Variants in AMD1 observed in about 807,000 individuals in gnomAD.
AMD1 encodes the protein S-adenosylmethionine decarboxylase proenzyme.
Under a neutral mutation model 40.2 loss-of-function variants are expected in AMD1, and 11 were observed. The ratio of observed to expected loss-of-function variants is 0.27; its 90% CI spans 0.17 to 0.45. The LOEUF is 0.45. Among genes scored for constraint, AMD1 ranks in the 20% least tolerant of loss-of-function variants. The pLI, the probability that AMD1 is intolerant of heterozygous loss-of-function variation, is 1.00. For synonymous variants in AMD1, 121 were observed against 130.8 expected, an observed-to-expected ratio of 0.93 and a Z score of 0.51; for missense variants, 257 against 410.2, an observed-to-expected ratio of 0.63 and a Z score of 3.23.
At chr6:110,851,299 A>G in the AMD1 span, among the ~76,000 whole-genome samples, 1 of 152,034 alleles carries the variant, frequency 6.6e-6, no homozygotes, top group East Asian at 1.9e-4. Context: ...AAGGGGTCTC[A>G]TTGTGTTGCC....
At chr6:110,859,497 T>C in the AMD1 span, among the ~76,000 whole-genome samples, 1 of 152,228 alleles carries the variant, frequency 6.6e-6, no homozygotes, top group Non-Finnish European at 1.5e-5. Context: ...TTCCCCATTG[T>C]GTCAGCCAAT....
At chr6:110,866,661 AT>A in the AMD1 span, among the ~76,000 whole-genome samples, 4 of 151,748 alleles carry the variant, frequency 2.6e-5, no homozygotes, top group African/African-American at 9.7e-5. Context: ...AAAAAAATTA[AT>A]TTTTTTTGAT....
At chr6:110,869,313 T>C in the AMD1 span, among the ~76,000 whole-genome samples, 6 of 151,728 alleles carry the variant, frequency 4.0e-5, no homozygotes, top group Middle Eastern at 6.8e-3. Flanking sequence ...TTGTATTTTT[T>C]AGTAGAGACG....
intron 1 of AMD1, among the ~76,000 whole-genome samples, chr6:110,876,733 T>G (rs1785135834): frequency 6.6e-6 from 1 of 152,202 alleles, no homozygotes; most frequent in Admixed American, 6.5e-5. Flanking sequence ...TTTCCTTCAT[T>G]TCACAGATGA....
the AMD1 span, chr6:110,815,269 C>CTCTCGCGCG: frequency 1.9e-6 from 2 of 1,055,638 alleles, no homozygotes; most frequent in Non-Finnish European, 2.5e-6. Context: ...CGCCCGCCGC[C>CTCTCGCGCG]CGCCGCTCCG....
upstream of AMD1, among the ~76,000 whole-genome samples, chr6:110,873,133 A>C (rs1583206471): frequency 6.6e-6 from 1 of 152,296 alleles, no homozygotes; most frequent in East Asian, 1.9e-4. Context: ...GGGAGGCCGA[A>C]GTGGGCAGAT....
At chr6:110,869,077 T>A in the AMD1 span, among the ~76,000 whole-genome samples, 9 of 152,026 alleles carry the variant, frequency 5.9e-5, no homozygotes, top group Admixed American at 5.9e-4. Flanking sequence ...AAAAAAAATT[T>A]AATGTAATTC....
In AMD1 at chr6:110,892,456, A is replaced by G. The variant is rs1786076986; in HGVS notation, c.615+13A>G. On this transcript the variant is annotated intron_variant, in intron 6 of 8. Transcript: ENST00000368885. ...GGATGTCACTCGTGTAAGCATTTTT[A>G]GTAATAATTGTTGCTGGACTCTTCT... 1 of 1,611,364 alleles carries G rather than the reference A, an allele frequency of 6.2e-7. No individual in the cohort carries two copies. The highest frequency in any genetic ancestry group is 8.5e-7 in the Non-Finnish European group (1 of 1,179,572).
the AMD1 span, among the ~76,000 whole-genome samples, chr6:110,838,892 C>G: frequency 6.6e-6 from 1 of 152,090 alleles, no homozygotes; most frequent in Non-Finnish European, 1.5e-5. Flanking sequence ...CCTCAGCCTC[C>G]CAAGTAGCTG....
intron 6 of AMD1, 105 bp from the exon 7 acceptor site, chr6:110,892,630 A>G: frequency 7.0e-7 from 1 of 1,438,134 alleles, no homozygotes; most frequent in Non-Finnish European, 9.6e-7. Flanking sequence ...CCCATTAGTT[A>G]TTTTTCCTGG....
the AMD1 span, among the ~76,000 whole-genome samples, chr6:110,835,840 G>A: frequency 7.9e-5 from 12 of 151,438 alleles, no homozygotes; most frequent in Non-Finnish European, 1.8e-4. Flanking sequence ...ACTTCAGCCT[G>A]GGCAACAAGA....
chr6:110,874,599 C>A (rs368349681), upstream of AMD1, among the ~76,000 whole-genome samples: 1 of 151,504 alleles, frequency 6.6e-6, no homozygotes, highest in Non-Finnish European at 1.5e-5. Flanking sequence ...GGCCAGAGCC[C>A]GAGCCGCAGC....
the AMD1 span, among the ~76,000 whole-genome samples, chr6:110,817,831 G>A: frequency 6.6e-6 from 1 of 152,198 alleles, no homozygotes; most frequent in Non-Finnish European, 1.5e-5. Context: ...TCATGAAGTA[G>A]GTAGGTTTGA....
chr6:110,852,625 A>G, the AMD1 span, among the ~76,000 whole-genome samples: 1 of 152,202 alleles, frequency 6.6e-6, no homozygotes, highest in African/African-American at 2.4e-5. Context: ...CATATCTAAT[A>G]AAGGCACATT....
the AMD1 span, among the ~76,000 whole-genome samples, chr6:110,864,627 G>A: frequency 6.6e-6 from 1 of 152,180 alleles, no homozygotes; most frequent in Admixed American, 6.5e-5. Context: ...AGTGATTGGT[G>A]GAACCCCAAT....
the AMD1 span, chr6:110,864,172 G>C: frequency 6.3e-6 from 1 of 158,008 alleles, no homozygotes; most frequent in East Asian, 1.9e-4. Flanking sequence ...TTGAACTCCT[G>C]ATCTCAGGTG....
At chr6:110,881,391 A>G (rs1431591889) in intron 1 of AMD1, among the ~76,000 whole-genome samples, 4 of 152,286 alleles carry the variant, frequency 2.6e-5, no homozygotes. Flanking sequence ...TGGGTGGCAA[A>G]ATTACTACAA....
the AMD1 span, among the ~76,000 whole-genome samples, chr6:110,868,777 C>G: frequency 2.0e-5 from 3 of 152,024 alleles, no homozygotes; most frequent in Non-Finnish European, 4.4e-5. Flanking sequence ...AATTCAAGGC[C>G]AGGCGCGGTG....
the AMD1 span, among the ~76,000 whole-genome samples, chr6:110,861,033 G>A: frequency 6.6e-6 from 1 of 151,876 alleles, no homozygotes; most frequent in African/African-American, 2.4e-5. Context: ...CATGCAACAT[G>A]GTGAAACCCA....
Sources: gnomAD v4.1 joint callset for allele counts (sites outside exome capture counted in the v4.1 genomes callset) on GRCh38, gnomAD v4.1.1 for gene constraint, MANE v1.5 for transcripts, NCBI Gene and HGNC (gene_info 2026-07-23, HGNC 2026-07-21) for gene names.